The following MANSC4 variants were observed in gnomAD, a reference collection of about 807,000 sequenced individuals.
MANSC4 encodes the protein MANSC domain containing 4.
Under a neutral mutation model 11.4 loss-of-function variants are expected in MANSC4, and 11 were observed. The ratio of observed to expected loss-of-function variants is 0.97; its 90% CI spans 0.61 to 1.60. The LOEUF (loss-of-function observed/expected upper bound fraction) is 1.60, where lower values mean the gene tolerates loss of function less well. Ranked by LOEUF, MANSC4 falls within the 40% of genes most tolerant of loss-of-function variation. The pLI is 0.00. For missense variants in MANSC4, 354 were observed against 404.6 expected, an observed-to-expected ratio of 0.88 and a Z score of 1.07; for synonymous variants, 123 against 147.1, an observed-to-expected ratio of 0.84 and a Z score of 1.19.
chr12:27,778,062 C>T (rs2062125906), intron 1 of MANSC4, among the ~76,000 whole-genome samples: 1 of 151,822 alleles, frequency 6.6e-6, no homozygotes, highest in Admixed American at 6.6e-5. Flanking sequence ...CCCGTCTCTA[C>T]TAAAAATACA....
intron 2 of MANSC4, among the ~76,000 whole-genome samples, chr12:27,769,166 C>CTAA (rs1490867050): frequency 6.6e-6 from 1 of 152,224 alleles, no homozygotes; most frequent in Non-Finnish European, 1.5e-5. Context: ...TAATACATTA[C>CTAA]ACATTACAAA....
intron 3 of MANSC4, 106 bp downstream of exon 3, chr12:27,766,559 A>G: frequency 6.4e-6 from 8 of 1,245,658 alleles, no homozygotes. Flanking sequence ...GAAAATAATT[A>G]TTTTAGGGAC....
intron 2 of MANSC4, among the ~76,000 whole-genome samples, chr12:27,768,952 A>G (rs1591809531): frequency 1.3e-5 from 2 of 152,290 alleles, no homozygotes; most frequent in Middle Eastern, 6.8e-3. Context: ...ATAAAATAAG[A>G]TTACAGAGGG....
chr12:27,762,650 C>CTTT lies in MANSC4; in HGVS notation c.*87_*88insAAA. On this transcript the variant is annotated 3_prime_UTR_variant, in exon 4 of 4. Coordinates refer to ENST00000381273, the MANE Select transcript of MANSC4 (RefSeq NM_001146221.5). ...ACAGGCATGAACCACCACGCCCAGC[C>CTTT]TATTTTTTTTTTTTAACCAAACTGC... 2 of 1,111,698 alleles carry CTTT rather than the reference C, an allele frequency of 1.8e-6. No individual in the cohort carries two copies. The highest frequency in any genetic ancestry group is 1.2e-6 in the Non-Finnish European group (1 of 805,798). 68.9% of individuals were successfully genotyped at this position (1,111,698 alleles called of 1,614,324 possible).
chr12:27,767,461 T>C (rs1040824545), intron 2 of MANSC4, among the ~76,000 whole-genome samples: 6 of 152,090 alleles, frequency 3.9e-5, no homozygotes, highest in East Asian at 1.9e-4. Flanking sequence ...CCCACCGCTA[T>C]GGGAGGCCGA....
At chr12:27,767,696 T>TCAACAACAA (rs370551889) in intron 2 of MANSC4, among the ~76,000 whole-genome samples, 6 of 151,748 alleles carry the variant, frequency 4.0e-5, no homozygotes, top group African/African-American at 1.5e-4. Context: ...AAACTCCGTC[T>TCAACAACAA]CAACAACAAC....
At chr12:27,774,022 G>T (rs2113867) in intron 1 of MANSC4, among the ~76,000 whole-genome samples, 1,914 of 152,060 alleles carry the variant, frequency 0.013, 16 homozygotes, top group Non-Finnish European at 0.021. Flanking sequence ...GTGGCACACG[G>T]CTGTAATCCC....
Position 27,763,367 on chromosome 12 carries a change from G to C in MANSC4, c.394C>G (p.Gln132Glu). ...CGAGTATTTAGATATGTGGGAGATTGTTCAAAAACCAGCAAATCCGGATCT... is the reference window on the plus strand; with the variant it reads ...CGAGTATTTAGATATGTGGGAGATTCTTCAAAAACCAGCAAATCCGGATCT... ...GIDPDLLVFE[Q>E]SPTYLNTRSS... Residue 132 changes from glutamine to glutamate, a missense_variant, in exon 4 of 4, where the codon CAA (glutamine) becomes GAA (glutamate). Physicochemically the swap from Gln to Glu is conservative, Grantham distance 29. Coordinates refer to ENST00000381273, the MANE Select transcript of MANSC4 (RefSeq NM_001146221.5). The C allele has an allele frequency of 6.5e-7, 1 of 1,547,892 alleles. No homozygotes were observed. The highest frequency in any genetic ancestry group is 8.7e-7 in the Non-Finnish European group (1 of 1,144,896).
At chr12:27,772,553 T>C (rs1230961720) in intron 1 of MANSC4, among the ~76,000 whole-genome samples, 1 of 152,250 alleles carries the variant, frequency 6.6e-6, no homozygotes, top group Non-Finnish European at 1.5e-5. Context: ...TGAATAGCTT[T>C]AAATATGAAA....
rs2062101265 is a variant in MANSC4, at chr12:27,771,554, G to A, written c.-278C>T. ...CCTGTCCCTTAGCATCTTAAGACGT[G>A]CATTCTCTTTTCTGCTTTTCTTCTT... On this transcript the variant is annotated 5_prime_UTR_variant, in exon 2 of 4. Coordinates refer to ENST00000381273, the MANE Select transcript of MANSC4 (RefSeq NM_001146221.5). 6.6e-6 allele frequency among the ~76,000 whole-genome samples: 1 copy of A among 152,142 alleles called. No individual in the cohort carries two copies. Among genetic ancestry groups the A allele is most frequent in the Non-Finnish European group, 1.5e-5 (1 of 68,026 alleles).
rs1287171515 is a variant in MANSC4 at position 27,762,988 on chromosome 12, A to G, written c.773T>C (p.Leu258Ser). 1.3e-6 allele frequency: 2 copies of G among 1,551,648 alleles called. No homozygotes were observed. Among genetic ancestry groups the G allele is most frequent in the Admixed American group, 3.9e-5 (2 of 50,930 alleles). Residue 258 changes from leucine (L) to serine (S), a missense_variant, in exon 4 of 4, where the codon TTA becomes TCA. By Grantham distance (145) the Leu-to-Ser change is moderately radical (BLOSUM62 -2). Coordinates refer to ENST00000381273, the MANE Select transcript of MANSC4 (RefSeq NM_001146221.5). ...VPPGLNSSKQ[L>S]LNKTKGYNSR... ...ATTGTATCCTTTGGTTTTGTTTAGT[A>G]ATTGTTTGCTACTGTTGAGTCCAGG... is the stretch of plus-strand genomic sequence containing the variant.
intron 1 of MANSC4, among the ~76,000 whole-genome samples, chr12:27,773,174 C>G (rs1269814323): frequency 6.6e-6 from 1 of 152,188 alleles, no homozygotes; most frequent in East Asian, 1.9e-4. Context: ...GAGACAGGGT[C>G]TCTACTTACT....
In MANSC4 at chr12:27,778,917, G is replaced by A. The variant is rs565037892; in HGVS notation, c.-307+1293C>T. 6.6e-4 allele frequency among the ~76,000 whole-genome samples: 101 copies of A among 152,314 alleles called. 1 individual carries two copies. The highest frequency in any genetic ancestry group is 1.8e-3 in the Admixed American group (28 of 15,296). On this transcript the variant is annotated intron_variant, in intron 1 of 3. Coordinates refer to ENST00000381273, the MANE Select transcript of MANSC4 (RefSeq NM_001146221.5). ...GGCGTCTCGCTCTGTCGCCCAGGCT[G>A]GAGTGCAGTGGCGCGATCTCGGCTC... is the stretch of plus-strand genomic sequence containing the variant.
At chr12:27,767,727 G>A (rs1345586923) in intron 2 of MANSC4, among the ~76,000 whole-genome samples, 1 of 152,012 alleles carries the variant, frequency 6.6e-6, no homozygotes, top group Non-Finnish European at 1.5e-5. Context: ...ACAAAACCCT[G>A]GGGATTTATA....
At chr12:27,775,633 C>G (rs901143421) in intron 1 of MANSC4, among the ~76,000 whole-genome samples, 1 of 152,148 alleles carries the variant, frequency 6.6e-6, no homozygotes, top group Non-Finnish European at 1.5e-5. Context: ...AAACTCCTGG[C>G]TTGTGCAATC....
chr12:27,773,032 A>C (rs1398947736), intron 1 of MANSC4, among the ~76,000 whole-genome samples: 1 of 152,212 alleles, frequency 6.6e-6, no homozygotes, highest in South Asian at 2.1e-4. Flanking sequence ...TAAAGATCAA[A>C]GTTTCATTTT....
Position 27,771,160 on chromosome 12 carries a change from T to G in MANSC4, c.117A>C (p.Pro39=). 6.4e-7 allele frequency: 1 copy of G among 1,551,994 alleles called. No homozygotes were observed. ...ACTCCTCCAGATTGATTAGAAGACC[T>G]GGGAAGCGACGGATCCAGCAGTCTC... The part of the protein sequence containing the change: ...FYRDCWIRRF[P]GLLINLEESQ... The change falls in exon 2 of 4, where the codon CCA becomes CCC. Residue 39 remains proline, a synonymous_variant. Coordinates refer to ENST00000381273, the MANE Select transcript of MANSC4 (RefSeq NM_001146221.5).
Position 27,780,212 on chromosome 12 carries a change from C to T in MANSC4, c.-309G>A. 3 of 963,958 alleles carry T rather than the reference C, an allele frequency of 3.1e-6. No individual in the cohort carries two copies. Among genetic ancestry groups the T allele is most frequent in the Non-Finnish European group, 4.1e-6 (3 of 733,256 alleles). 59.7% of individuals were successfully genotyped at this position (963,958 alleles called of 1,614,324 possible). ...GGGCGAGCGCGGGCGGCCCTCACCT[C>T]GCCGCTCCTCCCGGGCCGCCATCCC... On this transcript the variant is annotated splice_region_variant and 5_prime_UTR_variant, in exon 1 of 4. Coordinates refer to ENST00000381273, the MANE Select transcript of MANSC4 (RefSeq NM_001146221.5). This position sits in a 1 kb window ranked among gnomAD's most constrained non-coding sequence, Gnocchi z 8.8.
Position 27,771,415 on chromosome 12 carries a change from T to C in MANSC4, c.-139A>G. ...TTGCAGCTTTTCTGGAGAGTCACTTTCTAGCAAAATAAGACCACTCTTTGC... is the reference window on the plus strand; with the variant it reads ...TTGCAGCTTTTCTGGAGAGTCACTTCCTAGCAAAATAAGACCACTCTTTGC... On this transcript the variant is annotated 5_prime_UTR_variant, in exon 2 of 4. Transcript: ENST00000381273. The C allele has an allele frequency of 2.9e-6, 2 of 699,748 alleles. No individual in the cohort carries two copies. The highest frequency in any genetic ancestry group is 4.7e-6 in the Non-Finnish European group (2 of 424,898). 43.3% of individuals were successfully genotyped at this position (699,748 alleles called of 1,614,324 possible).
Sources: gnomAD v4.1 joint callset for allele counts (sites outside exome capture counted in the v4.1 genomes callset) on GRCh38, gnomAD v4.1.1 for gene constraint, Gnocchi (gnomAD v3.1) non-coding constraint, MANE v1.5 for transcripts, NCBI Gene and HGNC (gene_info 2026-07-23, HGNC 2026-07-21) for gene names.